The following SLC17A1 variants were observed in gnomAD, a reference collection of about 807,000 sequenced individuals.
The protein encoded by SLC17A1 is solute carrier family 17 member 1.
Under a neutral mutation model 53.5 loss-of-function variants are expected in SLC17A1, and 51 were observed. The observed-to-expected ratio is 0.95, with a 90% confidence interval of 0.76 to 1.20. The LOEUF (loss-of-function observed/expected upper bound fraction) is 1.20. Ranked by LOEUF, SLC17A1 falls within the 50% of genes most tolerant of loss-of-function variation. The probability of loss-of-function intolerance (pLI) is 0.00; values close to 1 mark genes in which losing one functional copy is unlikely to be tolerated. For synonymous variants in SLC17A1, 179 were observed against 198.8 expected (o/e 0.90, Z 0.84); for missense variants, 538 against 568.2 (o/e 0.95, Z 0.54).
Position 25,798,769 on chromosome 6 carries a change from T to G in SLC17A1, c.*2+14A>C. 1.3e-6 allele frequency: 2 copies of G among 1,591,692 alleles called. No homozygotes were observed. The highest frequency in any genetic ancestry group is 1.7e-6 in the Non-Finnish European group (2 of 1,164,966). ...CCAGTTTCAAAAATTGTCCTTAATCTGATCACTTCTCACCTTCAGAGACGT... is the reference window on the plus strand; with the variant it reads ...CCAGTTTCAAAAATTGTCCTTAATCGGATCACTTCTCACCTTCAGAGACGT... On this transcript the variant is annotated intron_variant, in intron 12 of 12. Transcript: ENST00000244527.
chr6:25,741,493 T>C, the SLC17A1 span, among the ~76,000 whole-genome samples: 1 of 149,982 alleles, frequency 6.7e-6, no homozygotes, highest in Non-Finnish European at 1.5e-5. Flanking sequence ...GGCGAGTGGA[T>C]CACCTGAGGT....
chr6:25,806,982 C>T (rs1395399855), intron 10 of SLC17A1, among the ~76,000 whole-genome samples: 1 of 151,998 alleles, frequency 6.6e-6, no homozygotes, highest in Non-Finnish European at 1.5e-5. Flanking sequence ...TGAGATACTA[C>T]CTTACTCCTG....
the SLC17A1 span, among the ~76,000 whole-genome samples, chr6:25,752,212 G>A: frequency 6.6e-6 from 1 of 152,216 alleles, no homozygotes; most frequent in Non-Finnish European, 1.5e-5. Flanking sequence ...AGATGGTAGA[G>A]CTTGCTATAC....
chr6:25,814,012 CT>C (rs1279949536), intron 6 of SLC17A1, among the ~76,000 whole-genome samples: 1 of 152,204 alleles, frequency 6.6e-6, no homozygotes, highest in Non-Finnish European at 1.5e-5. Context: ...GACTCCATGT[CT>C]TTGCTATTAT....
At chr6:25,727,364 T>G in the SLC17A1 span, 878 of 1,160,354 alleles carry the variant, frequency 7.6e-4, no homozygotes, top group African/African-American at 9.7e-4. Flanking sequence ...GAAACAGCTG[T>G]GGGCTTCGTT....
the SLC17A1 span, among the ~76,000 whole-genome samples, chr6:25,776,381 T>C: frequency 6.6e-6 from 1 of 152,176 alleles, no homozygotes; most frequent in Admixed American, 6.5e-5. Flanking sequence ...GATTTTTATA[T>C]ATAAAGAGAG....
chr6:25,802,935 C>CTTTTTTTTTTT lies in SLC17A1; in HGVS notation c.1179-1966_1179-1956dup, dbSNP rs34669145. Reference sequence around the variant, plus strand: ...ATGACGTTTTAACGACTATCTTCTTCTTTTTTTTTTTTTTTTTTTTTTTTT... The same window carrying CTTTTTTTTTTT: ...ATGACGTTTTAACGACTATCTTCTTCTTTTTTTTTTTTTTTTTTTTTTTTTTTTTTTTTTTT... On this transcript the variant is annotated intron_variant, in intron 10 of 12. Transcript: ENST00000244527. 2.3e-3 allele frequency among the ~76,000 whole-genome samples: 104 copies of CTTTTTTTTTTT among 46,098 alleles called. 21 individuals carry two copies. Among genetic ancestry groups the CTTTTTTTTTTT allele is most frequent in the African/African-American group, 7.7e-3 (86 of 11,106 alleles). 30.2% of individuals were successfully genotyped at this position (46,098 alleles called of 152,430 possible). A position where few individuals can be genotyped will look rare whatever the true frequency, so the allele number is the denominator to read the frequency against.
downstream of SLC17A1, chr6:25,779,136 G>C: frequency 1.2e-6 from 2 of 1,613,804 alleles, no homozygotes; most frequent in Non-Finnish European, 1.7e-6. Flanking sequence ...CTCATCTTTG[G>C]CCGAGCAGAT....
At chr6:25,750,985 T>C in the SLC17A1 span, among the ~76,000 whole-genome samples, 1 of 152,126 alleles carries the variant, frequency 6.6e-6, no homozygotes, top group East Asian at 1.9e-4. Context: ...CACAGATTAA[T>C]TAGGGATTAT....
chr6:25,828,705 T>A (rs1764838555), intron 2 of SLC17A1, among the ~76,000 whole-genome samples: 1 of 152,146 alleles, frequency 6.6e-6, no homozygotes. Flanking sequence ...ATAAATATTT[T>A]ACATCATCTT....
the SLC17A1 span, among the ~76,000 whole-genome samples, chr6:25,755,377 T>C: frequency 1.4e-4 from 22 of 152,112 alleles, no homozygotes; most frequent in African/African-American, 4.6e-4. Context: ...TTGCAAACTG[T>C]GAATAAGAGC....
the SLC17A1 span, among the ~76,000 whole-genome samples, chr6:25,738,701 T>A: frequency 6.6e-6 from 1 of 152,082 alleles, no homozygotes; most frequent in Non-Finnish European, 1.5e-5. Flanking sequence ...AAAACCAAAC[T>A]ATCCCAGTAA....
chr6:25,768,669 T>G, the SLC17A1 span, among the ~76,000 whole-genome samples: 9 of 152,152 alleles, frequency 5.9e-5, no homozygotes, highest in African/African-American at 2.2e-4. Flanking sequence ...TCCCAGCCAA[T>G]TCTTTCTCTA....
At chr6:25,804,103 T>A (rs1395643493) in intron 10 of SLC17A1, among the ~76,000 whole-genome samples, 1 of 152,136 alleles carries the variant, frequency 6.6e-6, no homozygotes, top group Non-Finnish European at 1.5e-5. Flanking sequence ...ATATCATTAA[T>A]TAATGATTAT....
the SLC17A1 span, chr6:25,727,358 C>T: frequency 9.3e-5 from 129 of 1,394,074 alleles, 1 homozygote; most frequent in South Asian, 1.4e-3. Context: ...CATACTGAAA[C>T]AGCTGTGGGC....
chr6:25,798,071 T>G (rs1763640950), intron 12 of SLC17A1, among the ~76,000 whole-genome samples: 1 of 152,200 alleles, frequency 6.6e-6, no homozygotes, highest in Non-Finnish European at 1.5e-5. Flanking sequence ...TGTTGTTTCA[T>G]CAGAAGGTAT....
At chr6:25,726,069 G>T in the SLC17A1 span, 1 of 1,406,216 alleles carries the variant, frequency 7.1e-7, no homozygotes, top group Non-Finnish European at 9.6e-7. Context: ...ACGGTAGGTG[G>T]CTCTGAAAAG....
chr6:25,815,249 A>G (rs1049816377), intron 6 of SLC17A1, among the ~76,000 whole-genome samples: 1 of 145,532 alleles, frequency 6.9e-6, no homozygotes, highest in African/African-American at 2.5e-5. Context: ...GGGAGGAATG[A>G]AGGGAGGGAG....
chr6:25,826,295 A>T (rs1184092384), intron 3 of SLC17A1, among the ~76,000 whole-genome samples, 166 bp downstream of exon 3: 1 of 152,150 alleles, frequency 6.6e-6, no homozygotes, highest in African/African-American at 2.4e-5. Context: ...ACTGAGGCAT[A>T]CTTTAATCAT....
Sources: allele counts gnomAD v4.1 joint callset (sites outside exome capture counted in the v4.1 genomes callset), GRCh38; gene constraint gnomAD v4.1.1; transcripts MANE v1.5; gene names NCBI Gene and HGNC (gene_info 2026-07-23, HGNC 2026-07-21).